Variants in ANK2 observed in about 807,000 individuals in gnomAD.
ANK2 encodes the protein ankyrin 2, also known as ankyrin-2.
Under a neutral mutation model 360.5 loss-of-function variants are expected in ANK2, and 83 were observed. The observed-to-expected ratio is 0.23, with a 90% CI of 0.19 to 0.28. The LOEUF (loss-of-function observed/expected upper bound fraction) is 0.28. Among genes scored for constraint, ANK2 ranks in the 10% least tolerant of loss-of-function variants. The probability of loss-of-function intolerance (pLI) is 1.00; values close to 1 mark genes in which losing one functional copy is unlikely to be tolerated. For missense variants in ANK2, 4,201 were observed against 4,795.7 expected, an observed-to-expected ratio of 0.88 and a Z score of 3.66; for synonymous variants, 1,740 against 1,759.5, an observed-to-expected ratio of 0.99 and a Z score of 0.28.
At chr4:112,989,001 CT>C (rs2045867116) in intron 2 of ANK2, among the ~76,000 whole-genome samples, 1 of 152,144 alleles carries the variant, frequency 6.6e-6, no homozygotes, top group Admixed American at 6.5e-5. Flanking sequence ...TAGACAAATG[CT>C]GCTTTAATTT....
rs1564181479 is a variant in ANK2 at position 113,373,142 on chromosome 4, T to C, written c.11663T>C (p.Ile3888Thr). The change falls in exon 44 of 46, where the codon ATT becomes ACT. Residue 3888 changes from isoleucine (I) to threonine (T), a missense_variant. Physicochemically the swap from Ile to Thr is moderately conservative, Grantham distance 89. This residue lies in a region of ANK2 where 2,642 missense variants were observed against 2,714.5 expected (regional missense o/e 0.97). Transcript: ENST00000357077. ...PPETVTEEEYIDEHGHTVVKK... is the reference protein window; with the variant it reads ...PPETVTEEEYTDEHGHTVVKK... The stretch of plus-strand genomic sequence containing the variant: ...GAAACAGTCACAGAAGAAGAATACA[T>C]TGATGAGCATGGACACACCGTGGTA... 1.2e-6 allele frequency: 2 copies of C among 1,614,142 alleles called. No homozygotes were observed. Among genetic ancestry groups the C allele is most frequent in the Non-Finnish European group, 1.7e-6 (2 of 1,179,990 alleles).
chr4:113,339,328 G>A lies in ANK2; in HGVS notation c.3893+6G>A, dbSNP rs1398527652. ...ACAACAAACGTGTCTGCCAGGTATC[G>A]TTATATAGCACAGAAAAGCCCACTA... On this transcript the variant is annotated splice_donor_region_variant and intron_variant, in intron 32 of 45. Transcript: ENST00000357077. 3.1e-6 allele frequency: 5 copies of A among 1,610,566 alleles called. No individual in the cohort carries two copies. Among genetic ancestry groups the A allele is most frequent in the African/African-American group, 2.7e-5 (2 of 74,934 alleles).
At chr4:112,925,626 T>A (rs1056933203) in intron 2 of ANK2, among the ~76,000 whole-genome samples, 1 of 152,190 alleles carries the variant, frequency 6.6e-6, no homozygotes, top group Non-Finnish European at 1.5e-5. Flanking sequence ...CTCAAAGAAA[T>A]TTTTAATTAA....
chr4:112,788,994 C>T, the ANK2 span: 1 of 551,166 alleles, frequency 1.8e-6, no homozygotes, highest in Non-Finnish European at 3.2e-6. Context: ...TTTTATTTCC[C>T]TCAAAGTGTT....
In ANK2 at chr4:113,229,235, A is replaced by G. The variant is rs574793687; in HGVS notation, c.385-2926A>G. Among the ~76,000 whole-genome samples the G allele has an allele frequency of 1.3e-4, 20 of 152,362 alleles. No homozygotes were observed. In the South Asian group the frequency reaches 4.1e-3, roughly 32 times the overall value. ...AAATTAGTCTTACAGAACTAAAACCAAGATGTTGGCATTGCTGTTTCCTTC... is the reference window on the plus strand; with the variant it reads ...AAATTAGTCTTACAGAACTAAAACCGAGATGTTGGCATTGCTGTTTCCTTC... On this transcript the variant is annotated intron_variant, in intron 4 of 45. Transcript: ENST00000357077.
In ANK2 at chr4:113,358,801, A is replaced by T. The variant is rs1238586791; in HGVS notation, c.10183A>T (p.Ser3395Cys). ...DNRSKSESDA[S>C]SLDSKTKCPV... ...TAGAAGCAAATCTGAATCTGATGCT[A>T]GTTCTTTGGATTCAAAGACCAAATG... The change falls in exon 38 of 46, where the codon AGT becomes TGT. Residue 3395 changes from serine to cysteine, a missense_variant. Physicochemically the swap from Ser to Cys is moderately radical, Grantham distance 112. Transcript: ENST00000357077. The T allele has an allele frequency of 1.2e-6, 2 of 1,614,148 alleles. No homozygotes were observed. Among genetic ancestry groups the T allele is most frequent in the Non-Finnish European group, 1.7e-6 (2 of 1,179,988 alleles).
At chr4:113,196,116 G>T (rs549960119) in intron 2 of ANK2, among the ~76,000 whole-genome samples, 1 of 151,980 alleles carries the variant, frequency 6.6e-6, no homozygotes, top group Non-Finnish European at 1.5e-5. Context: ...AGATTTCTTC[G>T]TTTAAAAAAA....
intron 1 of ANK2, among the ~76,000 whole-genome samples, chr4:113,071,362 T>C (rs1295561214): frequency 2.6e-5 from 4 of 152,164 alleles, no homozygotes; most frequent in African/African-American, 4.8e-5. Context: ...GTAATATTGT[T>C]AGAGAGTGCT....
the ANK2 span, among the ~76,000 whole-genome samples, chr4:112,721,611 T>G: frequency 2.0e-5 from 3 of 148,168 alleles, no homozygotes; most frequent in African/African-American, 7.5e-5. Flanking sequence ...TCTACACGCC[T>G]GGAAAAGGTC....
chr4:112,974,876 G>A (rs1377061285), intron 2 of ANK2, among the ~76,000 whole-genome samples: 1 of 151,652 alleles, frequency 6.6e-6, no homozygotes, highest in African/African-American at 2.4e-5. Context: ...CACAGGCGTG[G>A]CCTATGCCTG....
chr4:112,964,145 A>T (rs1489354691), intron 2 of ANK2, among the ~76,000 whole-genome samples: 1 of 148,304 alleles, frequency 6.7e-6, no homozygotes, highest in Non-Finnish European at 1.5e-5. Context: ...GGCACACGAG[A>T]TACTTTGATA....
the ANK2 span, among the ~76,000 whole-genome samples, chr4:112,781,654 A>G: frequency 1.3e-5 from 2 of 152,032 alleles, no homozygotes; most frequent in East Asian, 3.8e-4. Flanking sequence ...TTTTTTTTAC[A>G]GGTGCTTATT....
chr4:113,242,905 T>C (rs2153576642), intron 9 of ANK2, among the ~76,000 whole-genome samples: 1 of 152,304 alleles, frequency 6.6e-6, no homozygotes, highest in South Asian at 2.1e-4. Flanking sequence ...TAAGTTGTAT[T>C]ATATTGGCAG....
At chr4:113,281,142 A>T in intron 17 of ANK2, among the ~76,000 whole-genome samples, 1 of 152,212 alleles carries the variant, frequency 6.6e-6, no homozygotes, top group Non-Finnish European at 1.5e-5. Context: ...TTGTGTGAGG[A>T]TCAAGATTTG....
intron 2 of ANK2, among the ~76,000 whole-genome samples, chr4:113,177,191 C>T (rs1030382932): frequency 6.6e-6 from 1 of 152,170 alleles, no homozygotes; most frequent in Non-Finnish European, 1.5e-5. Context: ...CGCCATTCTC[C>T]TGCCTCAGCC....
At chr4:113,248,232 A>G (rs1214539582) in intron 9 of ANK2, among the ~76,000 whole-genome samples, 1 of 152,160 alleles carries the variant, frequency 6.6e-6, no homozygotes. Flanking sequence ...AGATTATTGA[A>G]GGGTCTATTT....
chr4:113,355,885 G>T lies in ANK2; in HGVS notation c.7267G>T (p.Ala2423Ser), dbSNP rs3733616. 9.9e-6 allele frequency: 16 copies of T among 1,613,934 alleles called. No homozygotes were observed. The highest frequency in any genetic ancestry group is 1.4e-5 in the Non-Finnish European group (16 of 1,179,974). Residue 2423 changes from alanine to serine, a missense_variant, in exon 38 of 46, where the codon GCT becomes TCT. Physicochemically the swap from Ala to Ser is moderately conservative, Grantham distance 99. Transcript: ENST00000357077. ...LPSRDSEVLS[A>S]VADDSLAVSH... is the part of the protein sequence containing the mutation. ...TAGCCGAGATAGCGAAGTCCTCAGCGCTGTGGCTGATGACTCATTAGCAGT... is the reference window on the plus strand; with the variant it reads ...TAGCCGAGATAGCGAAGTCCTCAGCTCTGTGGCTGATGACTCATTAGCAGT...
At chr4:113,035,679 A>T (rs964548801) in intron 2 of ANK2, among the ~76,000 whole-genome samples, 12 of 151,924 alleles carry the variant, frequency 7.9e-5, no homozygotes, top group African/African-American at 2.9e-4. Context: ...TAAAAATACA[A>T]CTGTCTGGAA....
chr4:113,358,656 C>G lies in ANK2; in HGVS notation c.10038C>G (p.Ser3346=), dbSNP rs1263567509. The G allele has an allele frequency of 6.2e-7, 1 of 1,613,900 alleles. No homozygotes were observed. The highest frequency in any genetic ancestry group is 1.3e-5 in the African/African-American group (1 of 74,880). Residue 3346 remains serine (S), a synonymous_variant, in exon 38 of 46, where the codon TCC becomes TCG. Transcript: ENST00000357077. ...AGGCGGATGAAGCAAAACCAAAGTC[C>G]AAACTCCCTGTCAAAGTACCCCTCC... is the stretch of plus-strand genomic sequence containing the variant. ...ENKADEAKPK[S]KLPVKVPLQR...
Sources: gnomAD v4.1 joint callset for allele counts (sites outside exome capture counted in the v4.1 genomes callset) on GRCh38, gnomAD v4.1.1 for gene constraint, gnomAD v4.1.1 regional missense constraint, MANE v1.5 for transcripts, NCBI Gene and HGNC (gene_info 2026-07-23, HGNC 2026-07-21) for gene names.